GNG12: variants seen among roughly 807,000 people sequenced by gnomAD.
The protein encoded by GNG12 is guanine nucleotide-binding protein G(I)/G(S)/G(O) subunit gamma-12.
For synonymous variants in GNG12, 28 were observed against 29.7 expected, an observed-to-expected ratio of 0.94 and a Z score of 0.19; for missense variants, 69 against 83.8, an observed-to-expected ratio of 0.82 and a Z score of 0.69.
intron 1 of GNG12, among the ~76,000 whole-genome samples, chr1:67,816,076 T>G (rs1646951499): frequency 6.6e-6 from 1 of 152,222 alleles, no homozygotes; most frequent in Non-Finnish European, 1.5e-5. Flanking sequence ...GCTGCCCTGG[T>G]CCCTTCTGCC....
chr1:67,801,294 G>C (rs1282171849), intron 1 of GNG12, among the ~76,000 whole-genome samples: 1 of 152,212 alleles, frequency 6.6e-6, no homozygotes, highest in East Asian at 1.9e-4. Flanking sequence ...CTCTCACACA[G>C]TGGTCAGCAC....
At chr1:67,777,566 T>G (rs1171817380) in intron 1 of GNG12, 59 bp from the exon 2 acceptor site, 3 of 298,638 alleles carry the variant, frequency 1.0e-5, no homozygotes, top group African/African-American at 6.8e-5. Context: ...GGGTGTGCTT[T>G]CGATCCCAAG....
intron 2 of GNG12, among the ~76,000 whole-genome samples, chr1:67,762,132 T>C (rs1214753526): frequency 1.3e-5 from 2 of 152,156 alleles, no homozygotes; most frequent in Non-Finnish European, 2.9e-5. Context: ...CACTGAACTT[T>C]CTAGGGCTAC....
intron 1 of GNG12, among the ~76,000 whole-genome samples, chr1:67,792,119 G>C (rs776123944): frequency 1.3e-5 from 2 of 152,024 alleles, no homozygotes; most frequent in Non-Finnish European, 2.9e-5. Context: ...ACTCTGCTTT[G>C]CTTTTCTTCT....
At chr1:67,725,226 C>T (rs589341) in intron 2 of GNG12, among the ~76,000 whole-genome samples, 29 of 152,320 alleles carry the variant, frequency 1.9e-4, no homozygotes, top group Non-Finnish European at 3.5e-4. Flanking sequence ...AGGCCCAACA[C>T]TGTGGTGCAG....
chr1:67,773,108 A>G (rs1432789731), intron 2 of GNG12, among the ~76,000 whole-genome samples: 1 of 152,180 alleles, frequency 6.6e-6, no homozygotes, highest in East Asian at 1.9e-4. Context: ...GTTGCTTGCA[A>G]CCAAAATACT....
At chr1:67,727,106 A>G (rs1646391351) in intron 2 of GNG12, among the ~76,000 whole-genome samples, 1 of 152,234 alleles carries the variant, frequency 6.6e-6, no homozygotes, top group South Asian at 2.1e-4. Context: ...TCATCTTATG[A>G]GTGGCACTGG....
chr1:67,713,457 CT>C (rs1646307793), intron 2 of GNG12, among the ~76,000 whole-genome samples: 2 of 152,116 alleles, frequency 1.3e-5, no homozygotes, highest in South Asian at 4.1e-4. Flanking sequence ...GTATTTTCAT[CT>C]TTGTCAAGAG....
At chr1:67,710,314 C>A (rs1472327460) in intron 2 of GNG12, among the ~76,000 whole-genome samples, 1 of 146,224 alleles carries the variant, frequency 6.8e-6, no homozygotes, top group African/African-American at 2.6e-5. Flanking sequence ...GGTTCTGAGG[C>A]CCCCAGAATG....
chr1:67,714,802 A>T (rs370424701), intron 2 of GNG12, among the ~76,000 whole-genome samples: 1 of 152,228 alleles, frequency 6.6e-6, no homozygotes, highest in East Asian at 1.9e-4. Context: ...GAGGCAATCA[A>T]TTTAAAATGA....
At chr1:67,741,447 C>T (rs867079146) in intron 2 of GNG12, among the ~76,000 whole-genome samples, 1 of 152,198 alleles carries the variant, frequency 6.6e-6, no homozygotes, top group Non-Finnish European at 1.5e-5. Context: ...CAAAGTCCCT[C>T]ACCAGCTACC....
chr1:67,723,042 CT>C (rs1321418808), intron 2 of GNG12, among the ~76,000 whole-genome samples: 7 of 152,288 alleles, frequency 4.6e-5, no homozygotes, highest in Middle Eastern at 3.4e-3. Flanking sequence ...CAGTGTTCAT[CT>C]ATCTATCAAA....
chr1:67,743,348 C>T (rs890422641), intron 2 of GNG12, among the ~76,000 whole-genome samples: 5 of 152,160 alleles, frequency 3.3e-5, no homozygotes, highest in African/African-American at 1.2e-4. Context: ...GGCAAAATAA[C>T]ATAAAAACAA....
intron 1 of GNG12, among the ~76,000 whole-genome samples, chr1:67,803,949 AGAG>A (rs781780344): frequency 5.4e-4 from 83 of 152,320 alleles, no homozygotes; most frequent in African/African-American, 1.7e-3. Flanking sequence ...ACGCAACTGG[AGAG>A]GAGATGATGG....
chr1:67,774,741 C>T (rs1260523345), intron 2 of GNG12, among the ~76,000 whole-genome samples: 2 of 152,198 alleles, frequency 1.3e-5, no homozygotes, highest in African/African-American at 4.8e-5. Context: ...TTCCTCCTCT[C>T]TCTAGAACCT....
intron 1 of GNG12, among the ~76,000 whole-genome samples, chr1:67,782,393 A>G (rs1646742788): frequency 6.6e-6 from 1 of 152,210 alleles, no homozygotes; most frequent in African/African-American, 2.4e-5. Context: ...TCTGTCCCAG[A>G]GAATGGTACA....
At position 67,819,037 on chromosome 1, in the gene GNG12, A is replaced by T. The variant is rs79126345; in HGVS notation, c.-77+14307T>A. Among the ~76,000 whole-genome samples, 314 of 152,310 alleles carry T rather than the reference A, an allele frequency of 2.1e-3. 1 individual carries two copies. Among genetic ancestry groups the T allele is most frequent in the African/African-American group, 7.3e-3 (303 of 41,556 alleles). On this transcript the variant is annotated intron_variant, in intron 1 of 3. Transcript: ENST00000370982. ...TGACCCACTGAAATTTATGTTTTCA[A>T]GAAATCATGCTGGTGGCAGTGTGCA...
rs145516273 is a variant in GNG12 at position 67,795,375 on chromosome 1, C to G, written c.-76-17868G>C. Reference sequence around the variant, plus strand: ...ATGATCTCTTTTTCAACCGCACGCACCTTGCCTCTGCAGGCTGCTGTCTGA... The same window carrying G: ...ATGATCTCTTTTTCAACCGCACGCAGCTTGCCTCTGCAGGCTGCTGTCTGA... On this transcript the variant is annotated intron_variant, in intron 1 of 3. Coordinates refer to ENST00000370982, the MANE Select transcript of GNG12 (RefSeq NM_018841.6). Among the ~76,000 whole-genome samples, 503 of 152,296 alleles carry G rather than the reference C, an allele frequency of 3.3e-3. 3 individuals carry two copies. Among genetic ancestry groups the G allele is most frequent in the African/African-American group, 0.012 (482 of 41,570 alleles).
intron 1 of GNG12, among the ~76,000 whole-genome samples, chr1:67,791,934 C>T (rs1248568155): frequency 6.6e-6 from 1 of 152,102 alleles, no homozygotes; most frequent in Non-Finnish European, 1.5e-5. Context: ...CACACTAACC[C>T]CTCTTCTCCT....
Sources: gnomAD v4.1 joint callset for allele counts (sites outside exome capture counted in the v4.1 genomes callset) on GRCh38, gnomAD v4.1.1 for gene constraint, MANE v1.5 for transcripts, NCBI Gene and HGNC (gene_info 2026-07-23, HGNC 2026-07-21) for gene names.